The following WDFY4 variants were observed in gnomAD, a reference collection of about 807,000 sequenced individuals.
WDFY4 encodes the protein WD repeat- and FYVE domain-containing protein 4.
WDFY4 carries 169 observed loss-of-function variants against 351.9 expected under a neutral mutation model. The ratio of observed to expected loss-of-function variants is 0.48; its 90% confidence interval spans 0.42 to 0.55. WDFY4 has a LOEUF of 0.55. Ranked by LOEUF, WDFY4 falls within the 20% of genes least tolerant of loss-of-function variation. The pLI, the probability that WDFY4 is intolerant of heterozygous loss-of-function variation, is 0.00. For missense variants in WDFY4, 3,803 were observed against 3,935.6 expected, an observed-to-expected ratio of 0.97 and a Z score of 0.90; for synonymous variants, 1,622 against 1,574.6, an observed-to-expected ratio of 1.03 and a Z score of -0.71.
intron 24 of WDFY4, among the ~76,000 whole-genome samples, chr10:48,797,296 G>T (rs2066909454): frequency 6.6e-6 from 1 of 152,196 alleles, no homozygotes; most frequent in South Asian, 2.1e-4. Flanking sequence ...CAAGGGGTTA[G>T]ACTGCCCAGA....
At chr10:48,885,592 C>A (rs2070420529) in intron 43 of WDFY4, among the ~76,000 whole-genome samples, 1 of 152,204 alleles carries the variant, frequency 6.6e-6, no homozygotes, top group African/African-American at 2.4e-5. Context: ...GGCATCCCTG[C>A]TCCTTGTCTC....
chr10:48,815,895 T>G (rs995835430), intron 31 of WDFY4, among the ~76,000 whole-genome samples: 1 of 152,174 alleles, frequency 6.6e-6, no homozygotes, highest in Non-Finnish European at 1.5e-5. Context: ...AATTTAGTTT[T>G]TGTTGAAAAA....
At position 48,825,733 on chromosome 10, in the gene WDFY4, T is replaced by C. The variant is rs144622125; in HGVS notation, c.5983-938T>C. On this transcript the variant is annotated intron_variant, in intron 35 of 61. Coordinates refer to ENST00000325239, the MANE Select transcript of WDFY4 (RefSeq NM_001394531.1). Reference sequence around the variant, plus strand: ...GATATGGCACTTTTTTTTTCATATATTTGTTGGCCACCTGAATGTCTTCTT... The same window carrying C: ...GATATGGCACTTTTTTTTTCATATACTTGTTGGCCACCTGAATGTCTTCTT... Among the ~76,000 whole-genome samples the C allele has an allele frequency of 5.9e-5, 9 of 152,328 alleles. No individual in the cohort carries two copies. The East Asian group carries it at 1.3e-3, about 23-fold the overall frequency.
intron 13 of WDFY4, among the ~76,000 whole-genome samples, chr10:48,773,947 G>T (rs937137561): frequency 8.5e-5 from 13 of 152,130 alleles, no homozygotes; most frequent in African/African-American, 2.9e-4. Flanking sequence ...AGCCAAGCTG[G>T]GGGGGATGTT....
At chr10:48,725,755 C>A (rs2064247366) in intron 5 of WDFY4, 126 bp from the exon 6 acceptor site, 2 of 1,024,080 alleles carry the variant, frequency 2.0e-6, no homozygotes, top group Non-Finnish European at 2.8e-6. Flanking sequence ...AGGGTGACCC[C>A]ATTCAATCCT....
chr10:48,715,254 C>T (rs557476671), intron 2 of WDFY4, among the ~76,000 whole-genome samples: 1 of 152,178 alleles, frequency 6.6e-6, no homozygotes, highest in Non-Finnish European at 1.5e-5. Flanking sequence ...CCTGCTGAGC[C>T]CTGCCCACAT....
chr10:48,977,457 C>G (rs577461910), intron 59 of WDFY4, among the ~76,000 whole-genome samples: 3 of 151,546 alleles, frequency 2.0e-5, no homozygotes, highest in Non-Finnish European at 2.9e-5. Flanking sequence ...ATCCATCCAT[C>G]CATCCATCCA....
intron 34 of WDFY4, among the ~76,000 whole-genome samples, chr10:48,822,107 C>A (rs1565237854): frequency 6.6e-6 from 1 of 152,198 alleles, no homozygotes; most frequent in Non-Finnish European, 1.5e-5. Context: ...CACATTCTCC[C>A]CCATCCTCCT....
Position 48,775,827 on chromosome 10 carries a change from G to A in WDFY4, c.2863+21G>A, listed in dbSNP as rs759995924. The A allele has an allele frequency of 4.5e-6, 7 of 1,542,210 alleles. No homozygotes were observed. The Admixed American group carries it at 5.9e-5, about 13-fold the overall frequency. ...CTCAGGTGAGGACAGTGGCAAGAAC[G>A]GGGCAGGTTAATGGGAAGTAAAAGA... On this transcript the variant is annotated intron_variant, in intron 15 of 61. Transcript: ENST00000325239.
intron 29 of WDFY4, 119 bp downstream of exon 29, chr10:48,810,854 C>T (rs971864156): frequency 1.7e-5 from 18 of 1,070,430 alleles, no homozygotes; most frequent in African/African-American, 1.6e-4. Context: ...AGGATCACCT[C>T]GAGCCCTGAC....
At chr10:48,949,326 C>CT (rs1841205340) in intron 51 of WDFY4, among the ~76,000 whole-genome samples, 1 of 152,208 alleles carries the variant, frequency 6.6e-6, no homozygotes, top group Non-Finnish European at 1.5e-5. Flanking sequence ...CCACCTTCAG[C>CT]TTTTTCCTTA....
intron 44 of WDFY4, among the ~76,000 whole-genome samples, chr10:48,891,477 A>G (rs550658914): frequency 6.6e-6 from 1 of 152,246 alleles, no homozygotes; most frequent in South Asian, 2.1e-4. Flanking sequence ...TGTCAAGTGT[A>G]TGTTTTCACT....
At chr10:48,947,438 C>G (rs909821064) in intron 51 of WDFY4, among the ~76,000 whole-genome samples, 1 of 152,170 alleles carries the variant, frequency 6.6e-6, no homozygotes, top group Non-Finnish European at 1.5e-5. Flanking sequence ...CCCACCCATA[C>G]GCTAACAGAC....
At chr10:48,966,732 T>C in intron 55 of WDFY4, 59 bp downstream of exon 55, 1 of 1,518,386 alleles carries the variant, frequency 6.6e-7, no homozygotes, top group Non-Finnish European at 8.9e-7. Context: ...CTTCAGTGGC[T>C]GGGTTCCTCT....
At chr10:48,895,019 C>G (rs1837001452) in intron 44 of WDFY4, among the ~76,000 whole-genome samples, 1 of 152,234 alleles carries the variant, frequency 6.6e-6, no homozygotes, top group Non-Finnish European at 1.5e-5. Context: ...TTTGATCCAT[C>G]CTACCACAAT....
chr10:48,744,657 T>C (rs2064956446), intron 12 of WDFY4, among the ~76,000 whole-genome samples: 1 of 152,188 alleles, frequency 6.6e-6, no homozygotes, highest in African/African-American at 2.4e-5. Flanking sequence ...ATGTAGATTG[T>C]TTATTTCCGT....
chr10:48,885,423 C>G (rs1335190628), intron 43 of WDFY4, among the ~76,000 whole-genome samples: 1 of 152,194 alleles, frequency 6.6e-6, no homozygotes, highest in African/African-American at 2.4e-5. Context: ...TTTGAACAGT[C>G]CTTGGGTCTT....
At chr10:48,952,374 G>A (rs1004378493) in intron 51 of WDFY4, among the ~76,000 whole-genome samples, 3 of 152,194 alleles carry the variant, frequency 2.0e-5, no homozygotes, top group African/African-American at 7.2e-5. Flanking sequence ...TACAGTGAAA[G>A]GGCATGGGAT....
intron 40 of WDFY4, among the ~76,000 whole-genome samples, chr10:48,871,251 A>C (rs1004928243): frequency 5.9e-5 from 9 of 152,066 alleles, no homozygotes; most frequent in African/African-American, 1.9e-4. Flanking sequence ...GTGTTCTTAA[A>C]AAACTAATTT....
Sources: gnomAD v4.1 joint callset for allele counts (sites outside exome capture counted in the v4.1 genomes callset) on GRCh38, gnomAD v4.1.1 for gene constraint, MANE v1.5 for transcripts, NCBI Gene and HGNC (gene_info 2026-07-23, HGNC 2026-07-21) for gene names.